Variants in INSL6 observed in about 807,000 individuals in gnomAD.
INSL6 encodes insulin-like peptide INSL6.
Under a neutral mutation model 9.4 loss-of-function variants are expected in INSL6, and 16 were observed. That is an observed-to-expected ratio of 1.70 (90% CI 1.15 to 2.59). The LOEUF (loss-of-function observed/expected upper bound fraction) is 2.59, where lower values mean the gene tolerates loss of function less well. INSL6 is among the 30% of genes most tolerant of loss of function. INSL6 has a pLI of 0.00. For synonymous variants in INSL6, 154 were observed against 96.9 expected, an observed-to-expected ratio of 1.59 and a Z score of -3.46; for missense variants, 391 against 257.3, an observed-to-expected ratio of 1.52 and a Z score of -3.56.
the INSL6 span, among the ~76,000 whole-genome samples, chr9:5,059,479 T>A: frequency 2.0e-5 from 3 of 152,168 alleles, no homozygotes; most frequent in African/African-American, 7.2e-5. Context: ...GACATTTGGG[T>A]TGCTTTCACT....
At chr9:5,100,112 T>G in the INSL6 span, 1 of 152,220 alleles carries the variant, frequency 6.6e-6, no homozygotes, top group African/African-American at 2.4e-5. Flanking sequence ...GCTATTAGTT[T>G]TCCCACAGCT....
At chr9:5,137,575 T>G (rs1010561154) in intron 2 of INSL6, among the ~76,000 whole-genome samples, 9 of 152,260 alleles carry the variant, frequency 5.9e-5, no homozygotes, top group Admixed American at 5.2e-4. Context: ...TTACACCTTA[T>G]ACAAAAATTA....
the INSL6 span, among the ~76,000 whole-genome samples, chr9:5,014,162 TTC>T: frequency 7.3e-5 from 11 of 150,988 alleles, no homozygotes; most frequent in Middle Eastern, 7.1e-3. Flanking sequence ...TATTTACTCT[TTC>T]TTTTTTTTTT....
chr9:5,169,733 A>G (rs1419995264), intron 1 of INSL6, among the ~76,000 whole-genome samples: 1 of 152,242 alleles, frequency 6.6e-6, no homozygotes, highest in African/African-American at 2.4e-5. Flanking sequence ...AGTTTCTGAC[A>G]AAACAGACTT....
At chr9:5,069,894 GAAGTGATATATATGTATTTTA>G in the INSL6 span, 9 of 1,448,948 alleles carry the variant, frequency 6.2e-6, no homozygotes, top group Non-Finnish European at 8.5e-6. Context: ...AGTGTATTTT[GAAGTGATATATATGTATTTTA>G]TTTTTTCAGA....
the INSL6 span, among the ~76,000 whole-genome samples, chr9:5,040,369 G>A: frequency 6.6e-6 from 1 of 151,522 alleles, no homozygotes; most frequent in African/African-American, 2.4e-5. Flanking sequence ...AAGAAACACA[G>A]AAGTCTTTGT....
chr9:5,107,163 T>C, the INSL6 span, among the ~76,000 whole-genome samples: 1 of 152,154 alleles, frequency 6.6e-6, no homozygotes, highest in African/African-American at 2.4e-5. Flanking sequence ...CCTACTCTTT[T>C]AGTATAAAGA....
At chr9:5,102,677 A>T in the INSL6 span, among the ~76,000 whole-genome samples, 1 of 152,258 alleles carries the variant, frequency 6.6e-6, no homozygotes, top group Non-Finnish European at 1.5e-5. Flanking sequence ...GAAGCCCATC[A>T]GACTAACAGC....
At chr9:4,998,351 G>C in the INSL6 span, among the ~76,000 whole-genome samples, 4 of 152,064 alleles carry the variant, frequency 2.6e-5, no homozygotes, top group Non-Finnish European at 5.9e-5. Context: ...CTGCCTCCCA[G>C]ATTCAAGCAA....
At chr9:5,112,299 C>A in the INSL6 span, 1 of 266,602 alleles carries the variant, frequency 3.8e-6, no homozygotes, top group Non-Finnish European at 7.3e-6. Flanking sequence ...ATCCATGTTG[C>A]CCTCTCCAGC....
At chr9:5,145,102 G>A (rs1029705146) in intron 2 of INSL6, among the ~76,000 whole-genome samples, 1 of 152,112 alleles carries the variant, frequency 6.6e-6, no homozygotes, top group African/African-American at 2.4e-5. Context: ...GGTTGGTACT[G>A]GTCTTTCCTT....
the INSL6 span, among the ~76,000 whole-genome samples, chr9:5,061,992 C>T: frequency 4.2e-3 from 643 of 152,212 alleles, 3 homozygotes; most frequent in African/African-American, 0.015. Flanking sequence ...AATAGCTATT[C>T]GGTGGAGCAG....
At chr9:5,014,749 G>C in the INSL6 span, among the ~76,000 whole-genome samples, 1 of 152,070 alleles carries the variant, frequency 6.6e-6, no homozygotes, top group Non-Finnish European at 1.5e-5. Context: ...ACTTATATGA[G>C]AGTTATAAAT....
chr9:5,031,832 G>T, the INSL6 span, among the ~76,000 whole-genome samples: 1 of 152,228 alleles, frequency 6.6e-6, no homozygotes, highest in Non-Finnish European at 1.5e-5. Context: ...CAGCATGGGC[G>T]ATGCAGAAGA....
chr9:5,027,858 C>G, the INSL6 span, among the ~76,000 whole-genome samples: 1 of 152,206 alleles, frequency 6.6e-6, no homozygotes, highest in African/African-American at 2.4e-5. Flanking sequence ...TCAGTCACGT[C>G]TTCAAGCTCC....
chr9:5,072,424 G>C, the INSL6 span: 2 of 1,186,556 alleles, frequency 1.7e-6, no homozygotes, highest in Non-Finnish European at 2.3e-6. Context: ...CTCATTGAAT[G>C]TATTTTCTTG....
At chr9:5,182,595 T>C (rs796069292) in intron 1 of INSL6, among the ~76,000 whole-genome samples, 8 of 151,928 alleles carry the variant, frequency 5.3e-5, no homozygotes, top group African/African-American at 1.9e-4. Flanking sequence ...AACTAATATA[T>C]AAAGAGAAGG....
chr9:5,044,500 A>G, the INSL6 span: 1 of 1,602,960 alleles, frequency 6.2e-7, no homozygotes, highest in Non-Finnish European at 8.5e-7. Flanking sequence ...TGACTTTGTC[A>G]TGTCTTACCT....
chr9:5,108,182 AC>A, the INSL6 span: 2 of 151,972 alleles, frequency 1.3e-5, no homozygotes, highest in African/African-American at 4.8e-5. Context: ...TCAATGAATC[AC>A]CCCCACAAAA....
Sources: allele counts gnomAD v4.1 joint callset (sites outside exome capture counted in the v4.1 genomes callset), GRCh38; gene constraint gnomAD v4.1.1; transcripts MANE v1.5; gene names NCBI Gene and HGNC (gene_info 2026-07-23, HGNC 2026-07-21).